CERKL: variants seen among roughly 807,000 people sequenced by gnomAD.
CERKL encodes ceramide kinase-like protein.
In CERKL, 61 loss-of-function variants were observed where a neutral mutation model predicts 63.4. The observed-to-expected ratio is 0.96, with a 90% CI of 0.78 to 1.19. The LOEUF is 1.19. Among genes scored for constraint, CERKL ranks in the 50% most tolerant of loss-of-function variants. The pLI is 0.00. For missense variants in CERKL, 675 were observed against 655.5 expected, an observed-to-expected ratio of 1.03 and a Z score of -0.33; for synonymous variants, 250 against 230.5, an observed-to-expected ratio of 1.08 and a Z score of -0.77.
At chr2:181,626,169 A>G (rs911843269) in intron 1 of CERKL, among the ~76,000 whole-genome samples, 1 of 152,218 alleles carries the variant, frequency 6.6e-6, no homozygotes, top group African/African-American at 2.4e-5. Flanking sequence ...GTAATACACT[A>G]TTATAATACT....
chr2:181,604,947 A>G lies in CERKL; in HGVS notation c.239-868T>C, dbSNP rs74364309. ...AATTATTGTGGAAAAGACCATTTCA[A>G]TTGACTCTCAAAGTAGAAGTGTTTT... On this transcript the variant is annotated intron_variant, in intron 1 of 12. Coordinates refer to ENST00000410087, the MANE Select transcript of CERKL (RefSeq NM_201548.5). Among the ~76,000 whole-genome samples the G allele has an allele frequency of 1.9e-4, 29 of 152,348 alleles. 1 individual carries two copies. In the East Asian group the frequency reaches 5.6e-3, roughly 29 times the overall value.
chr2:181,562,429 T>C (rs777882456), intron 4 of CERKL, among the ~76,000 whole-genome samples: 6 of 152,224 alleles, frequency 3.9e-5, no homozygotes, highest in Non-Finnish European at 7.3e-5. Flanking sequence ...AGCACTCATA[T>C]TTGGCTCAAA....
At chr2:181,639,168 A>AT (rs1218167630) in intron 1 of CERKL, among the ~76,000 whole-genome samples, 4 of 152,180 alleles carry the variant, frequency 2.6e-5, no homozygotes, top group African/African-American at 7.2e-5. Flanking sequence ...TAGTAATATG[A>AT]TTTTTTAGAA....
At chr2:181,634,138 T>C (rs1478563577) in intron 1 of CERKL, among the ~76,000 whole-genome samples, 1 of 152,148 alleles carries the variant, frequency 6.6e-6, no homozygotes, top group East Asian at 1.9e-4. Context: ...AATTATGCCA[T>C]AAAACTGACT....
At chr2:181,614,750 G>A (rs1234582462) in intron 1 of CERKL, among the ~76,000 whole-genome samples, 6 of 151,948 alleles carry the variant, frequency 3.9e-5, no homozygotes, top group African/African-American at 1.5e-4. Context: ...TATAGTAAAA[G>A]AGGAGTTAAA....
intron 1 of CERKL, among the ~76,000 whole-genome samples, chr2:181,632,007 T>C (rs2105481905): frequency 6.6e-6 from 1 of 152,354 alleles, no homozygotes; most frequent in Admixed American, 6.5e-5. Context: ...TAAAACTATG[T>C]AAATAGTGAG....
chr2:181,558,758 T>C lies in CERKL; in HGVS notation c.678-50A>G, dbSNP rs759433647. 6.3e-7 allele frequency: 1 copy of C among 1,589,102 alleles called. No individual in the cohort carries two copies. Among genetic ancestry groups the C allele is most frequent in the Middle Eastern group, 1.7e-4 (1 of 5,992 alleles). On this transcript the variant is annotated intron_variant, in intron 4 of 12. Transcript: ENST00000410087. This position sits in a 1 kb window ranked among gnomAD's most constrained non-coding sequence, Gnocchi z 4.2. The stretch of plus-strand genomic sequence containing the variant: ...GAAGGCAAAACTTCAGAATGATTGG[T>C]AATAAGTCATGAAATCTAGACTTCA...
At chr2:181,595,301 T>C (rs1317970579) in intron 2 of CERKL, among the ~76,000 whole-genome samples, 2 of 152,142 alleles carry the variant, frequency 1.3e-5, no homozygotes, top group Admixed American at 6.6e-5. Context: ...GAAATCTCAA[T>C]AATAGCAACA....
intron 2 of CERKL, among the ~76,000 whole-genome samples, chr2:181,584,837 G>GT (rs1198748043): frequency 1.3e-5 from 2 of 150,092 alleles, no homozygotes; most frequent in Non-Finnish European, 3.0e-5. Flanking sequence ...TTTTGTTTTT[G>GT]TTTTTTTCAG....
At chr2:181,556,029 G>C (rs1688188817) in intron 5 of CERKL, among the ~76,000 whole-genome samples, 1 of 151,900 alleles carries the variant, frequency 6.6e-6, no homozygotes, top group African/African-American at 2.4e-5. Flanking sequence ...TGGGATTACA[G>C]GTATAAGCCA....
At chr2:181,565,961 T>C in intron 4 of CERKL, 97 bp downstream of exon 4, 3 of 813,116 alleles carry the variant, frequency 3.7e-6, no homozygotes, top group Non-Finnish European at 6.3e-6. Context: ...ACACTACAAA[T>C]ATTTTTAAAT....
intron 3 of CERKL, among the ~76,000 whole-genome samples, chr2:181,568,889 T>C (rs906719179): frequency 1.4e-5 from 2 of 142,026 alleles, no homozygotes; most frequent in Non-Finnish European, 3.0e-5. Context: ...CCTGTGTCCA[T>C]GATTTTCAAA....
At chr2:181,598,456 C>G (rs1435395489) in intron 2 of CERKL, among the ~76,000 whole-genome samples, 1 of 151,962 alleles carries the variant, frequency 6.6e-6, no homozygotes, top group Non-Finnish European at 1.5e-5. Flanking sequence ...CTCCCCCTAT[C>G]TCCCCCCAAC....
Position 181,558,787 on chromosome 2 carries a change from T to C in CERKL, c.678-79A>G. 1 of 1,449,134 alleles carries C rather than the reference T, an allele frequency of 6.9e-7. No homozygotes were observed. The highest frequency in any genetic ancestry group is 9.6e-7 in the Non-Finnish European group (1 of 1,037,226). 89.8% of individuals were successfully genotyped at this position (1,449,134 alleles called of 1,614,324 possible). A position where few individuals can be genotyped will look rare whatever the true frequency, so the allele number is the denominator to read the frequency against. On this transcript the variant is annotated intron_variant, in intron 4 of 12. Coordinates refer to ENST00000410087, the MANE Select transcript of CERKL (RefSeq NM_201548.5). The surrounding 1 kb of genome is among the most constrained non-coding windows in gnomAD (Gnocchi z 4.2). ...AAGTCATGAAATCTAGACTTCAAAA[T>C]AGTTTACTAATTTGTAGTCTATGTG...
At chr2:181,576,561 C>T (rs1453529859) in intron 2 of CERKL, among the ~76,000 whole-genome samples, 1 of 152,212 alleles carries the variant, frequency 6.6e-6, no homozygotes, top group Non-Finnish European at 1.5e-5. Flanking sequence ...AGGACTTTGG[C>T]TTTTGTAGAG....
chr2:181,564,653 C>T (rs899872327), intron 4 of CERKL, among the ~76,000 whole-genome samples: 2 of 152,146 alleles, frequency 1.3e-5, no homozygotes, highest in Non-Finnish European at 2.9e-5. Flanking sequence ...TTCAGCAGAA[C>T]ATTCTGTAAT....
In CERKL at chr2:181,570,393, G is replaced by A. The variant is rs147591360; in HGVS notation, c.613+3360C>T. ...TCTATTGTACTATGAATTATCCTAT[G>A]GATCTCTGATCCTCAAAATATCTGT... On this transcript the variant is annotated intron_variant, in intron 3 of 12. Coordinates refer to ENST00000410087, the MANE Select transcript of CERKL (RefSeq NM_201548.5). 1.2e-4 allele frequency among the ~76,000 whole-genome samples: 18 copies of A among 152,212 alleles called. No individual in the cohort carries two copies. In the East Asian group the frequency reaches 3.3e-3, roughly 28 times the overall value.
chr2:181,600,940 T>C (rs946483824), intron 2 of CERKL, among the ~76,000 whole-genome samples: 1 of 152,104 alleles, frequency 6.6e-6, no homozygotes, highest in Admixed American at 6.6e-5. Context: ...TTCTCTAAAA[T>C]TGACCACATA....
intron 1 of CERKL, among the ~76,000 whole-genome samples, chr2:181,621,705 G>A (rs1005414827): frequency 1.4e-4 from 21 of 152,052 alleles, no homozygotes; most frequent in Non-Finnish European, 2.6e-4. Flanking sequence ...AAATTTTGGA[G>A]AAAACATAAA....
Sources: gnomAD v4.1 joint callset for allele counts (sites outside exome capture counted in the v4.1 genomes callset) on GRCh38, gnomAD v4.1.1 for gene constraint, Gnocchi (gnomAD v3.1) non-coding constraint, MANE v1.5 for transcripts, NCBI Gene and HGNC (gene_info 2026-07-23, HGNC 2026-07-21) for gene names.